The following CWF19L2 variants were observed in gnomAD, a reference collection of about 807,000 sequenced individuals.
CWF19L2 encodes the protein CWF19-like protein 2.
Under a neutral mutation model 111.7 loss-of-function variants are expected in CWF19L2, and 98 were observed. The observed-to-expected ratio is 0.88, with a 90% CI of 0.75 to 1.04. CWF19L2 has a LOEUF of 1.04. Ranked by LOEUF, CWF19L2 falls within the 50% of genes least tolerant of loss-of-function variation. The pLI is 0.00. For synonymous variants in CWF19L2, 351 were observed against 342.9 expected, an observed-to-expected ratio of 1.02 and a Z score of -0.26; for missense variants, 1,101 against 1,051.4, an observed-to-expected ratio of 1.05 and a Z score of -0.65.
At chr11:107,436,970 A>T (rs558105881) in intron 6 of CWF19L2, among the ~76,000 whole-genome samples, 1 of 152,312 alleles carries the variant, frequency 6.6e-6, no homozygotes, top group South Asian at 2.1e-4. Flanking sequence ...AAATATTCCC[A>T]TTACTAAAAT....
Position 107,426,216 on chromosome 11 carries a change from C to T in CWF19L2, c.1433+2583G>A, listed in dbSNP as rs73549857. Among the ~76,000 whole-genome samples the T allele has an allele frequency of 4.8e-3, 733 of 151,376 alleles. 5 individuals carry two copies. The highest frequency in any genetic ancestry group is 0.017 in the African/African-American group (703 of 41,296). ...AAGGGCAAAACATATGACTAGTTAA[C>T]AAAAAAATACAAATAAACAACACAT... On this transcript the variant is annotated intron_variant, in intron 8 of 17. Coordinates refer to ENST00000282251, the MANE Select transcript of CWF19L2 (RefSeq NM_152434.3).
At chr11:107,349,114 T>C (rs1321303683) in intron 13 of CWF19L2, 61 bp from the exon 14 acceptor site, 3 of 790,512 alleles carry the variant, frequency 3.8e-6, no homozygotes, top group African/African-American at 1.8e-5. Flanking sequence ...TATATTTATA[T>C]GTTAATGCTA....
intron 9 of CWF19L2, 60 bp from the exon 10 acceptor site, chr11:107,416,358 A>G: frequency 1.4e-6 from 1 of 725,306 alleles, no homozygotes; most frequent in Non-Finnish European, 2.1e-6. Context: ...TTACGACAAA[A>G]TGTTCAAATT....
intron 17 of CWF19L2, among the ~76,000 whole-genome samples, chr11:107,328,331 A>G (rs1241509142): frequency 6.6e-6 from 1 of 152,188 alleles, no homozygotes; most frequent in Non-Finnish European, 1.5e-5. Context: ...AGTTTAAGAA[A>G]GCCTAGCTTA....
rs556316603 is a variant in CWF19L2 at position 107,418,596 on chromosome 11, C to CA, written c.1434-310dup. ...CTCGTAACTTTAAAAAGGAAACAAA[C>CA]AAAAAACGTTCGAACCAGGCCATAA... On this transcript the variant is annotated intron_variant, in intron 8 of 17. Coordinates refer to ENST00000282251, the MANE Select transcript of CWF19L2 (RefSeq NM_152434.3). 2.1e-4 allele frequency among the ~76,000 whole-genome samples: 32 copies of CA among 152,140 alleles called. No individual in the cohort carries two copies. In the South Asian group the frequency reaches 6.2e-3, roughly 30 times the overall value.
At chr11:107,362,046 T>C (rs1350365123) in intron 12 of CWF19L2, among the ~76,000 whole-genome samples, 1 of 151,788 alleles carries the variant, frequency 6.6e-6, no homozygotes, top group Non-Finnish European at 1.5e-5. Flanking sequence ...CCTTTCTGAG[T>C]CAAAGAAAGG....
At chr11:107,390,963 C>A (rs768307822) in intron 11 of CWF19L2, among the ~76,000 whole-genome samples, 1 of 152,152 alleles carries the variant, frequency 6.6e-6, no homozygotes, top group African/African-American at 2.4e-5. Context: ...AGTCTTCTGG[C>A]CTTCATCTTT....
At chr11:107,348,287 C>T (rs1008111699) in intron 14 of CWF19L2, among the ~76,000 whole-genome samples, 3 of 152,044 alleles carry the variant, frequency 2.0e-5, no homozygotes, top group African/African-American at 4.8e-5. Flanking sequence ...ATTCAGTTGT[C>T]TGGCATTAAA....
rs1353447672 is a variant in CWF19L2, at chr11:107,433,671, CTTTG to C, written c.739_742del (p.Gln247ValfsTer8). 1 of 1,587,354 alleles carries C rather than the reference CTTTG, an allele frequency of 6.3e-7. No individual in the cohort carries two copies. Among genetic ancestry groups the C allele is most frequent in the African/African-American group, 1.4e-5 (1 of 73,666 alleles). ...GGCTACAATGTCCTCAAAGTTTCTA[CTTTG>C]TTTCTCAGCTTGTTCCTTCATTCTT... is the stretch of plus-strand genomic sequence containing the variant. On this transcript the variant is annotated frameshift_variant, in exon 7 of 18. Coordinates refer to ENST00000282251, the MANE Select transcript of CWF19L2 (RefSeq NM_152434.3). LOFTEE classifies it high-confidence loss of function.
intron 12 of CWF19L2, among the ~76,000 whole-genome samples, chr11:107,368,579 G>A (rs1210625226): frequency 7.2e-6 from 1 of 137,996 alleles, no homozygotes. Flanking sequence ...TTATTAAACA[G>A]TGACTGACAG....
chr11:107,423,545 T>C (rs377033554), intron 8 of CWF19L2, among the ~76,000 whole-genome samples: 55 of 152,062 alleles, frequency 3.6e-4, no homozygotes, highest in African/African-American at 1.2e-3. Flanking sequence ...TGACCAGGTT[T>C]TTCTTTCCAA....
chr11:107,360,714 A>G (rs1331357737), intron 12 of CWF19L2, among the ~76,000 whole-genome samples: 2 of 152,168 alleles, frequency 1.3e-5, no homozygotes, highest in Non-Finnish European at 2.9e-5. Context: ...CTGTGGTTTT[A>G]ATGCCCATTT....
chr11:107,383,469 C>T (rs1860722070), intron 12 of CWF19L2, among the ~76,000 whole-genome samples: 1 of 152,050 alleles, frequency 6.6e-6, no homozygotes, highest in Non-Finnish European at 1.5e-5. Context: ...GAGTTTTTCT[C>T]TACACATCTT....
chr11:107,398,799 C>T (rs1481208209), intron 10 of CWF19L2, among the ~76,000 whole-genome samples: 1 of 152,152 alleles, frequency 6.6e-6, no homozygotes, highest in East Asian at 1.9e-4. Flanking sequence ...ACCAGGTAAC[C>T]TATAAAGGAA....
At chr11:107,379,390 T>C (rs898817185) in intron 12 of CWF19L2, among the ~76,000 whole-genome samples, 1 of 152,266 alleles carries the variant, frequency 6.6e-6, no homozygotes, top group East Asian at 1.9e-4. Context: ...CTAAATCTTC[T>C]ATGGTTCACA....
rs191057229 is a variant in CWF19L2, at chr11:107,332,890, G to A, written c.2439+1991C>T. On this transcript the variant is annotated intron_variant, in intron 16 of 17. Coordinates refer to ENST00000282251, the MANE Select transcript of CWF19L2 (RefSeq NM_152434.3). Reference sequence around the variant, plus strand: ...TATTCCCAGCACTTTGGGAGGCGGAGGCGGGCAGATCACGAGGTCAGGAGT... The same window carrying A: ...TATTCCCAGCACTTTGGGAGGCGGAAGCGGGCAGATCACGAGGTCAGGAGT... Among the ~76,000 whole-genome samples, 407 of 152,180 alleles carry A rather than the reference G, an allele frequency of 2.7e-3. 2 individuals are homozygous for A. Among genetic ancestry groups the A allele is most frequent in the African/African-American group, 9.4e-3 (389 of 41,534 alleles).
chr11:107,409,146 C>A (rs1217482176), intron 10 of CWF19L2, among the ~76,000 whole-genome samples: 1 of 150,316 alleles, frequency 6.7e-6, no homozygotes, highest in Non-Finnish European at 1.5e-5. Context: ...GGGAATCACA[C>A]CAATGACAAG....
At chr11:107,355,472 T>G (rs1349640848) in intron 12 of CWF19L2, among the ~76,000 whole-genome samples, 2 of 150,988 alleles carry the variant, frequency 1.3e-5, no homozygotes, top group Non-Finnish European at 3.0e-5. Context: ...CAAAACTACA[T>G]GTTATCATCA....
rs1038493329 is a variant in CWF19L2 at position 107,363,429 on chromosome 11, C to T, written c.1873-9693G>A. ...GTTAAGGGCAGCCAGAGAGAAAGGTCGGGTTACCCTCAAAGGGAAGCCCAT... is the reference window on the plus strand; with the variant it reads ...GTTAAGGGCAGCCAGAGAGAAAGGTTGGGTTACCCTCAAAGGGAAGCCCAT... On this transcript the variant is annotated intron_variant, in intron 12 of 17. Transcript: ENST00000282251. Among the ~76,000 whole-genome samples, 228 of 152,068 alleles carry T rather than the reference C, an allele frequency of 1.5e-3. 3 individuals are homozygous for T. Among genetic ancestry groups the T allele is most frequent in the African/African-American group, 4.6e-3 (190 of 41,434 alleles).
Sources: allele counts gnomAD v4.1 joint callset (sites outside exome capture counted in the v4.1 genomes callset), GRCh38; gene constraint gnomAD v4.1.1; transcripts MANE v1.5; gene names NCBI Gene and HGNC (gene_info 2026-07-23, HGNC 2026-07-21).